The following TNIK variants were observed in gnomAD, a reference collection of about 807,000 sequenced individuals.
TNIK encodes TRAF2 and NCK interacting kinase.
In TNIK, 49 loss-of-function variants were observed where a neutral mutation model predicts 191.3. The ratio of observed to expected loss-of-function variants is 0.26; its 90% CI spans 0.20 to 0.32. The LOEUF (loss-of-function observed/expected upper bound fraction) is 0.32, where lower values mean the gene tolerates loss of function less well. TNIK is among the 10% of genes least tolerant of loss of function. The pLI, the probability that TNIK is intolerant of heterozygous loss-of-function variation, is 1.00. For synonymous variants in TNIK, 594 were observed against 600.9 expected (o/e 0.99, Z 0.17); for missense variants, 1,155 against 1,702.3 (o/e 0.68, Z 5.66).
At chr3:171,445,438 T>C (rs1276581724) in intron 1 of TNIK, among the ~76,000 whole-genome samples, 1 of 144,836 alleles carries the variant, frequency 6.9e-6, no homozygotes, top group Admixed American at 6.8e-5. Context: ...AAAAAAAAAG[T>C]TGAGAGAGGC....
intron 9 of TNIK, among the ~76,000 whole-genome samples, chr3:171,168,973 C>T (rs1006505465): frequency 3.9e-5 from 6 of 152,158 alleles, no homozygotes; most frequent in Non-Finnish European, 7.3e-5. Flanking sequence ...TCTTCTCTTT[C>T]TCAGATCAAT....
intron 1 of TNIK, among the ~76,000 whole-genome samples, chr3:171,423,914 T>C (rs1279315156): frequency 7.2e-5 from 11 of 152,204 alleles, no homozygotes; most frequent in African/African-American, 2.4e-4. Flanking sequence ...ATTCAGGACA[T>C]AGGCATGGAC....
chr3:171,237,522 C>T (rs1306369673), intron 2 of TNIK, among the ~76,000 whole-genome samples: 2 of 150,904 alleles, frequency 1.3e-5, no homozygotes, highest in East Asian at 3.9e-4. Flanking sequence ...AAAAAGACTA[C>T]AATGAGCACT....
At chr3:171,202,641 G>A (rs183481576) in intron 4 of TNIK, among the ~76,000 whole-genome samples, 1 of 152,230 alleles carries the variant, frequency 6.6e-6, no homozygotes, top group East Asian at 1.9e-4. Context: ...GAGATCAATT[G>A]CACATTCTTA....
intron 4 of TNIK, among the ~76,000 whole-genome samples, chr3:171,204,530 T>G (rs1739827231): frequency 6.6e-6 from 1 of 152,240 alleles, no homozygotes; most frequent in Non-Finnish European, 1.5e-5. Context: ...ATTCATAATA[T>G]TTTTATACAA....
chr3:171,260,042 A>C (rs1747396628), intron 2 of TNIK, among the ~76,000 whole-genome samples: 1 of 152,116 alleles, frequency 6.6e-6, no homozygotes, highest in Non-Finnish European at 1.5e-5. Flanking sequence ...AAGTCAGTTT[A>C]GCTAGAACCA....
intron 2 of TNIK, among the ~76,000 whole-genome samples, chr3:171,273,100 G>A (rs1411796420): frequency 6.6e-6 from 1 of 152,228 alleles, no homozygotes; most frequent in East Asian, 1.9e-4. Context: ...GAGCACCAGA[G>A]CAAGCTGAAA....
chr3:171,277,148 C>T (rs778806425), intron 2 of TNIK, among the ~76,000 whole-genome samples: 9 of 152,186 alleles, frequency 5.9e-5, no homozygotes, highest in Non-Finnish European at 1.0e-4. Context: ...ACTCTCATCC[C>T]ACGTGGTGCC....
intron 18 of TNIK, among the ~76,000 whole-genome samples, chr3:171,122,859 C>T (rs1202763829): frequency 1.3e-5 from 2 of 152,148 alleles, no homozygotes; most frequent in Non-Finnish European, 2.9e-5. Context: ...TGAACTATAA[C>T]AGCAAACAGC....
chr3:171,222,166 G>A (rs1742422820), intron 3 of TNIK, among the ~76,000 whole-genome samples: 1 of 152,114 alleles, frequency 6.6e-6, no homozygotes, highest in Admixed American at 6.6e-5. Context: ...AGCTCTCTCT[G>A]AATCTGAAGG....
chr3:171,305,499 AC>A (rs1439898385), intron 2 of TNIK, among the ~76,000 whole-genome samples: 1 of 152,230 alleles, frequency 6.6e-6, no homozygotes, highest in Non-Finnish European at 1.5e-5. Context: ...TCCACAAGGA[AC>A]TTAAACAAAT....
chr3:171,240,602 C>G (rs1744844802), intron 2 of TNIK, among the ~76,000 whole-genome samples: 1 of 152,152 alleles, frequency 6.6e-6, no homozygotes, highest in Admixed American at 6.5e-5. Context: ...GTTTCCTTCT[C>G]CCTTTCCTCC....
At chr3:171,114,622 CA>C (rs1726390816) in intron 18 of TNIK, among the ~76,000 whole-genome samples, 1 of 152,192 alleles carries the variant, frequency 6.6e-6, no homozygotes, top group Non-Finnish European at 1.5e-5. Context: ...AATATGTTCT[CA>C]TGATTCATTA....
Position 171,108,045 on chromosome 3 carries a change from T to C in TNIK, c.2382+20A>G, listed in dbSNP as rs1576836391. ...CTGGTAAATTAAGAGTTCAAAACTCTTGGAGAGAAAAGCACTCACAGCTGG... is the reference window on the plus strand; with the variant it reads ...CTGGTAAATTAAGAGTTCAAAACTCCTGGAGAGAAAAGCACTCACAGCTGG... On this transcript the variant is annotated intron_variant, in intron 20 of 32. Transcript: ENST00000436636. 1 of 1,553,806 alleles carries C rather than the reference T, an allele frequency of 6.4e-7. No homozygotes were observed. The highest frequency in any genetic ancestry group is 8.7e-7 in the Non-Finnish European group (1 of 1,147,892).
intron 1 of TNIK, among the ~76,000 whole-genome samples, chr3:171,396,359 G>C (rs1205735666): frequency 6.6e-6 from 1 of 152,174 alleles, no homozygotes; most frequent in Non-Finnish European, 1.5e-5. Context: ...TTCATCAGTT[G>C]ATGGACATTG....
At chr3:171,195,050 G>A (rs1178018638) in intron 4 of TNIK, among the ~76,000 whole-genome samples, 2 of 152,172 alleles carry the variant, frequency 1.3e-5, no homozygotes, top group African/African-American at 4.8e-5. Flanking sequence ...AGTGCACACT[G>A]TTTATGTTAC....
At chr3:171,185,025 C>G (rs1006751147) in intron 7 of TNIK, among the ~76,000 whole-genome samples, 2 of 152,142 alleles carry the variant, frequency 1.3e-5, no homozygotes, top group Non-Finnish European at 2.9e-5. Flanking sequence ...GCATCTCTTA[C>G]TTCATTGGCT....
intron 3 of TNIK, among the ~76,000 whole-genome samples, chr3:171,224,010 G>A (rs1196134635): frequency 6.6e-6 from 1 of 152,170 alleles, no homozygotes; most frequent in African/African-American, 2.4e-5. Flanking sequence ...GCCCAGGCGT[G>A]GACTGGAGAG....
chr3:171,199,992 C>G (rs1408600875), intron 4 of TNIK, among the ~76,000 whole-genome samples: 1 of 152,204 alleles, frequency 6.6e-6, no homozygotes, highest in African/African-American at 2.4e-5. Context: ...GTAAAAGGCA[C>G]TGGGCACATT....
Sources: allele counts gnomAD v4.1 joint callset (sites outside exome capture counted in the v4.1 genomes callset), GRCh38; gene constraint gnomAD v4.1.1; transcripts MANE v1.5; gene names NCBI Gene and HGNC (gene_info 2026-07-23, HGNC 2026-07-21).